The following WDR27 variants were observed in gnomAD, a reference collection of about 807,000 sequenced individuals.
WDR27 encodes WD repeat-containing protein 27.
Under a neutral mutation model 114.4 loss-of-function variants are expected in WDR27, and 100 were observed. The observed-to-expected ratio is 0.87, with a 90% confidence interval of 0.74 to 1.03. The LOEUF is 1.03. Among genes scored for constraint, WDR27 ranks in the 50% least tolerant of loss-of-function variants. The probability of loss-of-function intolerance (pLI) is 0.00; values close to 1 mark genes in which losing one functional copy is unlikely to be tolerated. For synonymous variants in WDR27, 449 were observed against 423.1 expected (o/e 1.06, Z -0.75); for missense variants, 1,129 against 1,092.9 (o/e 1.03, Z -0.47).
At chr6:169,454,092 A>T (rs184022354), downstream of WDR27, among the ~76,000 whole-genome samples, 861 of 152,366 alleles carry the variant, frequency 5.7e-3, 3 homozygotes, top group Middle Eastern at 0.01. Flanking sequence ...ATTCCTAATG[A>T]CGACCTGAAT....
chr6:169,439,918 A>G, the WDR27 span, among the ~76,000 whole-genome samples: 46,175 of 149,220 alleles, frequency 0.31, 8,042 homozygotes, highest in African/African-American at 0.47. Context: ...TTATATTACC[A>G]ATATTATTAT....
chr6:169,570,693 G>A (rs1427066491), intron 25 of WDR27, among the ~76,000 whole-genome samples: 1 of 152,174 alleles, frequency 6.6e-6, no homozygotes, highest in Admixed American at 6.5e-5. Flanking sequence ...GCCAGGCGTG[G>A]TGGCGGGCAC....
At chr6:169,678,658 C>T (rs188966541) in intron 2 of WDR27, among the ~76,000 whole-genome samples, 2 of 152,188 alleles carry the variant, frequency 1.3e-5, no homozygotes, top group Admixed American at 1.3e-4. Context: ...GGGAGTCATG[C>T]CCTACCAACC....
Position 169,702,003 on chromosome 6 carries a change from A to C in WDR27, c.-460T>G, listed in dbSNP as rs1788220773. 3 of 421,710 alleles carry C rather than the reference A, an allele frequency of 7.1e-6. No homozygotes were observed. The East Asian group carries it at 2.2e-4, about 31-fold the overall frequency. 26.1% of individuals were successfully genotyped at this position (421,710 alleles called of 1,614,324 possible). A position where few individuals can be genotyped will look rare whatever the true frequency, so the allele number is the denominator to read the frequency against. On this transcript the variant is annotated 5_prime_UTR_variant, in exon 1 of 26. Coordinates refer to ENST00000448612, the MANE Select transcript of WDR27 (RefSeq NM_182552.5). ...ACGCTCGCCGCTATGGTTACTTGCC[A>C]GCCGACCCACGCGAGCCGCTATGGT...
intron 25 of WDR27, among the ~76,000 whole-genome samples, chr6:169,533,303 G>A (rs979081057): frequency 6.6e-6 from 1 of 151,886 alleles, no homozygotes; most frequent in Non-Finnish European, 1.5e-5. Flanking sequence ...GAAAATTGGG[G>A]GGGGCGGGGG....
chr6:169,694,734 A>G (rs957578789), intron 1 of WDR27, among the ~76,000 whole-genome samples: 1 of 152,188 alleles, frequency 6.6e-6, no homozygotes, highest in African/African-American at 2.4e-5. Context: ...GGTCTCCCCA[A>G]CCCTCAGCTC....
chr6:169,519,915 C>A (rs1794154736), intron 25 of WDR27, among the ~76,000 whole-genome samples: 1 of 152,018 alleles, frequency 6.6e-6, no homozygotes, highest in Non-Finnish European at 1.5e-5. Flanking sequence ...AATCTCCCCC[C>A]AACTCATGGT....
intron 25 of WDR27, among the ~76,000 whole-genome samples, chr6:169,541,144 C>T (rs1796792501): frequency 6.7e-6 from 1 of 148,224 alleles, no homozygotes; most frequent in Admixed American, 6.7e-5. Flanking sequence ...AAAAAAAAAA[C>T]CCTAAAATAG....
chr6:169,657,146 C>G (rs1367938515), intron 13 of WDR27, among the ~76,000 whole-genome samples: 3 of 152,218 alleles, frequency 2.0e-5, no homozygotes, highest in Admixed American at 6.5e-5. Context: ...GCAGGACGAA[C>G]AAGCAAACAG....
intron 25 of WDR27, among the ~76,000 whole-genome samples, chr6:169,466,248 G>C (rs1785569090): frequency 6.6e-6 from 1 of 152,092 alleles, no homozygotes; most frequent in Non-Finnish European, 1.5e-5. Context: ...AATAAGGCCA[G>C]CTCTCTTATA....
At chr6:169,631,563 T>C (rs890677492) in intron 21 of WDR27, among the ~76,000 whole-genome samples, 2 of 152,010 alleles carry the variant, frequency 1.3e-5, no homozygotes, top group Non-Finnish European at 2.9e-5. Flanking sequence ...TCCCCAGGCG[T>C]CCTCCTGGAC....
At chr6:169,654,992 T>C (rs114285904) in intron 13 of WDR27, among the ~76,000 whole-genome samples, 111 of 152,334 alleles carry the variant, frequency 7.3e-4, no homozygotes, top group African/African-American at 2.6e-3. Flanking sequence ...CCTCGTTGTC[T>C]CTTACTCGGG....
chr6:169,544,710 C>T (rs890119900), intron 25 of WDR27, among the ~76,000 whole-genome samples: 2 of 152,216 alleles, frequency 1.3e-5, no homozygotes, highest in Non-Finnish European at 2.9e-5. Context: ...GCTGGGATTA[C>T]AGGTGTGAGC....
intron 25 of WDR27, among the ~76,000 whole-genome samples, chr6:169,542,331 C>T (rs1283592269): frequency 1.3e-5 from 2 of 151,984 alleles, no homozygotes; most frequent in African/African-American, 4.8e-5. Context: ...TGCAACAAAC[C>T]AACATCATTT....
intron 25 of WDR27, among the ~76,000 whole-genome samples, chr6:169,467,979 G>T (rs1254867454): frequency 2.0e-5 from 3 of 152,164 alleles, no homozygotes; most frequent in Admixed American, 1.3e-4. Flanking sequence ...GTCGCATCTT[G>T]AACACTTTGC....
intron 25 of WDR27, among the ~76,000 whole-genome samples, chr6:169,548,032 A>G (rs1455884934): frequency 1.3e-5 from 2 of 152,198 alleles, no homozygotes; most frequent in Non-Finnish European, 2.9e-5. Flanking sequence ...TCACTTTCCT[A>G]TATACCAACA....
intron 23 of WDR27, among the ~76,000 whole-genome samples, chr6:169,599,112 A>G (rs1231174034): frequency 6.6e-6 from 1 of 151,764 alleles, no homozygotes; most frequent in Non-Finnish European, 1.5e-5. Context: ...AACATTAGGT[A>G]TATCTCCTAA....
At chr6:169,456,843 GC>G (rs1319172089), downstream of WDR27, among the ~76,000 whole-genome samples, 1 of 149,690 alleles carries the variant, frequency 6.7e-6, no homozygotes, top group East Asian at 2.1e-4. The surrounding 1 kb of genome is among the most constrained non-coding windows in gnomAD (Gnocchi z 4.0). Context: ...CACGGACACA[GC>G]CCATGCTCAC....
At chr6:169,646,465 A>C (rs972906460) in intron 16 of WDR27, among the ~76,000 whole-genome samples, 5 of 152,138 alleles carry the variant, frequency 3.3e-5, no homozygotes, top group Admixed American at 1.3e-4. Flanking sequence ...TAAATGATAG[A>C]GCTGGGCGCA....
Sources: allele counts gnomAD v4.1 joint callset (sites outside exome capture counted in the v4.1 genomes callset), GRCh38; gene constraint gnomAD v4.1.1; non-coding constraint Gnocchi (gnomAD v3.1); transcripts MANE v1.5; gene names NCBI Gene and HGNC (gene_info 2026-07-23, HGNC 2026-07-21).